Variants in FOXI3 observed in about 807,000 individuals in gnomAD.
FOXI3 encodes forkhead box protein I3.
A neutral mutation model predicts 15.6 loss-of-function variants in FOXI3; 4 were observed. That is an observed-to-expected ratio of 0.26 (90% CI 0.13 to 0.59). FOXI3 has a LOEUF of 0.59. FOXI3 is among the 20% of genes least tolerant of loss of function. FOXI3 has a pLI of 0.90. For missense variants in FOXI3, 489 were observed against 548.2 expected (o/e 0.89, Z 1.08); for synonymous variants, 238 against 244.4 (o/e 0.97, Z 0.25).
At position 88,449,793 on chromosome 2, in the gene FOXI3, A is replaced by G. The variant is rs964963126; in HGVS notation, c.641-964T>C. ...CTTGTGGTAAGTGCTTTACACGGAT[A>G]ACCTCAGCTACTCCTCACAGCTTTA... On this transcript the variant is annotated intron_variant, in intron 1 of 1. Coordinates refer to ENST00000428390, the MANE Select transcript of FOXI3 (RefSeq NM_001135649.3). Among the ~76,000 whole-genome samples the G allele has an allele frequency of 1.3e-4, 20 of 152,250 alleles. No homozygotes were observed. The South Asian group carries it at 3.5e-3, about 27-fold the overall frequency.
rs190912380 is a variant in FOXI3, at chr2:88,448,973, G to A, written c.641-144C>T. The stretch of plus-strand genomic sequence containing the variant: ...CTAATATTCAAACCAATCCTCTTTC[G>A]GGGAAAATGTTACTCTTTGCTTCAG... On this transcript the variant is annotated intron_variant, in intron 1 of 1. Coordinates refer to ENST00000428390, the MANE Select transcript of FOXI3 (RefSeq NM_001135649.3). 1.4e-4 allele frequency: 145 copies of A among 1,072,638 alleles called. No homozygotes were observed. In the African/African-American group the frequency reaches 1.9e-3, roughly 14 times the overall value. 66.4% of individuals were successfully genotyped at this position (1,072,638 alleles called of 1,614,324 possible).
chr2:88,452,388 C>G lies in FOXI3; in HGVS notation c.148G>C (p.Ala50Pro), dbSNP rs550296238. 5.9e-3 allele frequency: 5,890 copies of G among 990,070 alleles called. 21 individuals are homozygous for G. The highest frequency in any genetic ancestry group is 7.5e-3 in the Admixed American group (121 of 16,084). 61.3% of individuals were successfully genotyped at this position (990,070 alleles called of 1,614,324 possible). The change falls in exon 1 of 2, where the codon GCC becomes CCC. Residue 50 changes from alanine (A) to proline (P), a missense_variant. Ala to Pro is a conservative substitution (Grantham distance 27). Transcript: ENST00000428390. The part of the protein sequence containing the change: ...ADYAAPPAAA[A>P]NPYLWLNGPG... ...CCGTTGAGCCACAGGTAGGGGTTGG[C>G]GGCGGCGGCCGGCGGCGCGGCGTAG... is the stretch of plus-strand genomic sequence containing the variant.
chr2:88,452,474 G>T lies in FOXI3; in HGVS notation c.62C>A (p.Ala21Asp). The T allele has an allele frequency of 9.3e-7, 1 of 1,074,874 alleles. No individual in the cohort carries two copies. The highest frequency in any genetic ancestry group is 1.7e-5 in the African/African-American group (1 of 58,882). 66.6% of individuals were successfully genotyped at this position (1,074,874 alleles called of 1,614,324 possible). Reference sequence around the variant, plus strand: ...GGCGCCCGGGGCGGCGGCGGTGGCGGCGGGCGGGGGCAGGCCGGGCTGCGA... The same window carrying T: ...GGCGCCCGGGGCGGCGGCGGTGGCGTCGGGCGGGGGCAGGCCGGGCTGCGA... ...VYSQPGLPPP[A>D]ATAAAPGAPP... Residue 21 changes from alanine (A) to aspartate (D), a missense_variant, in exon 1 of 2, where the codon GCC (alanine) becomes GAC (aspartate). Coordinates refer to ENST00000428390, the MANE Select transcript of FOXI3 (RefSeq NM_001135649.3).
Position 88,451,929 on chromosome 2 carries a change from A to C in FOXI3, c.607T>G (p.Phe203Val). The stretch of plus-strand genomic sequence containing the variant: ...TCCTCGTCGCGGGGCACCTTCTTGA[A>C]GCAGTCGTTGAGCGACAGGTTGTGG... ...IRHNLSLNDCFKKVPRDEDDP... is the reference protein window; with the variant it reads ...IRHNLSLNDCVKKVPRDEDDP... Residue 203 changes from phenylalanine (F) to valine (V), a missense_variant, in exon 1 of 2, where the codon TTC becomes GTC. Physicochemically the swap from Phe to Val is conservative, Grantham distance 50 (BLOSUM62 -1). Transcript: ENST00000428390. 1 of 1,613,828 alleles carries C rather than the reference A, an allele frequency of 6.2e-7. No individual in the cohort carries two copies. The highest frequency in any genetic ancestry group is 8.5e-7 in the Non-Finnish European group (1 of 1,179,884).
In FOXI3 at chr2:88,452,562, C is replaced by T. The variant is rs1303037449; in HGVS notation, c.-27G>A. ...TCGGCGGCCGTGGGCGGCTGCGGCG[C>T]GGCCGCGGCGAGGGGCGAGCGGGGC... On this transcript the variant is annotated 5_prime_UTR_variant, in exon 1 of 2. Coordinates refer to ENST00000428390, the MANE Select transcript of FOXI3 (RefSeq NM_001135649.3). The T allele has an allele frequency of 2.3e-5, 25 of 1,073,390 alleles. No homozygotes were observed. The highest frequency in any genetic ancestry group is 2.7e-5 in the Non-Finnish European group (24 of 886,678). 66.5% of individuals were successfully genotyped at this position (1,073,390 alleles called of 1,614,324 possible).
Position 88,448,745 on chromosome 2 carries a change from G to C in FOXI3, c.725C>G (p.Ser242Cys). The change falls in exon 2 of 2, where the codon TCT (serine) becomes TGT (cysteine). Residue 242 changes from serine to cysteine, a missense_variant. By Grantham distance (112) the Ser-to-Cys change is moderately radical. Transcript: ENST00000428390. ...GNFRRKRKRRSEASNGSTVAA... is the reference protein window; with the variant it reads ...GNFRRKRKRRCEASNGSTVAA... ...CACTGTGGAGCCATTGCTGGCCTCA[G>C]AGCGGCGCTTTCGCTTCCGACGGAA... 6.4e-7 allele frequency: 1 copy of C among 1,551,940 alleles called. No individual in the cohort carries two copies. Among genetic ancestry groups the C allele is most frequent in the Non-Finnish European group, 8.7e-7 (1 of 1,147,050 alleles).
chr2:88,450,862 T>C (rs1401819790), intron 1 of FOXI3, among the ~76,000 whole-genome samples: 1 of 152,202 alleles, frequency 6.6e-6, no homozygotes, highest in Non-Finnish European at 1.5e-5. Flanking sequence ...AGAATCTCAT[T>C]AGTAATTTTA....
At position 88,452,233 on chromosome 2, in the gene FOXI3, G is replaced by A; in HGVS notation, c.303C>T (p.Thr101=). The A allele has an allele frequency of 3.7e-6, 4 of 1,082,992 alleles. No homozygotes were observed. The highest frequency in any genetic ancestry group is 4.5e-6 in the Non-Finnish European group (4 of 895,634). The allele number at this position is 1,082,992 out of a possible 1,614,324, so 67.1% of individuals were successfully genotyped here. A position where few individuals can be genotyped will look rare whatever the true frequency, so the allele number is the denominator to read the frequency against. Residue 101 remains threonine (T), a synonymous_variant, in exon 1 of 2, where the codon ACC becomes ACT. Transcript: ENST00000428390. ...CGAAGGGCCGCTGAGAGCAGCCGAA[G>A]GTGCCGGCGGCAGGCGGTGGCTGCA... is the stretch of plus-strand genomic sequence containing the variant. ...PFLQPPPAAG[T]FGCSQRPFAQ...
In FOXI3 at chr2:88,448,078, G is replaced by T. The variant is rs911158370; in HGVS notation, c.*129C>A. ...ACTCCAAGTGTGGTCAAAGGACCAC[G>T]AGATCACCCAGGAACTCGACAGAAA... On this transcript the variant is annotated 3_prime_UTR_variant, in exon 2 of 2. Coordinates refer to ENST00000428390, the MANE Select transcript of FOXI3 (RefSeq NM_001135649.3). The T allele has an allele frequency of 5.0e-6, 4 of 801,228 alleles. No individual in the cohort carries two copies. The highest frequency in any genetic ancestry group is 7.8e-6 in the Non-Finnish European group (4 of 513,960). The allele number at this position is 801,228 out of a possible 1,614,324, so 49.6% of individuals were successfully genotyped here. A position where few individuals can be genotyped will look rare whatever the true frequency, so the allele number is the denominator to read the frequency against.
rs1676070952 is a variant in FOXI3 at position 88,452,450 on chromosome 2, G to A, written c.86C>T (p.Ala29Val). Residue 29 changes from alanine to valine, a missense_variant, in exon 1 of 2, where the codon GCC (alanine) becomes GTC (valine). This residue lies in a region of FOXI3 where 224 missense variants were observed against 245.7 expected (regional missense o/e 0.91). Coordinates refer to ENST00000428390, the MANE Select transcript of FOXI3 (RefSeq NM_001135649.3). Reference protein sequence around the residue: ...PPAATAAAPGAPPAARAPYGL... With the variant: ...PPAATAAAPGVPPAARAPYGL... ...GTAAGGCGCCCTGGCTGCCGGGGGGGCGCCCGGGGCGGCGGCGGTGGCGGC... is the reference window on the plus strand; with the variant it reads ...GTAAGGCGCCCTGGCTGCCGGGGGGACGCCCGGGGCGGCGGCGGTGGCGGC... 1 of 1,051,588 alleles carries A rather than the reference G, an allele frequency of 9.5e-7. No homozygotes were observed. The highest frequency in any genetic ancestry group is 1.1e-6 in the Non-Finnish European group (1 of 874,458). 65.1% of individuals were successfully genotyped at this position (1,051,588 alleles called of 1,614,324 possible).
chr2:88,448,189 C>A lies in FOXI3; in HGVS notation c.*18G>T. The stretch of plus-strand genomic sequence containing the variant: ...TGTGCACGCCTCAGGTGTGCATACT[C>A]AAGTCTGAGAGTCTGCTCTACACCT... On this transcript the variant is annotated 3_prime_UTR_variant, in exon 2 of 2. Coordinates refer to ENST00000428390, the MANE Select transcript of FOXI3 (RefSeq NM_001135649.3). 1 of 1,548,296 alleles carries A rather than the reference C, an allele frequency of 6.5e-7. No homozygotes were observed.
intron 1 of FOXI3, among the ~76,000 whole-genome samples, chr2:88,451,518 A>T (rs896515079): frequency 1.3e-5 from 2 of 152,204 alleles, no homozygotes; most frequent in Non-Finnish European, 2.9e-5. Context: ...ATCCCAGCTC[A>T]CACGGATCCC....
rs751978127 is a variant in FOXI3, at chr2:88,447,139, A to T, written c.*1068T>A. ...ATGGAAAATGGGGGGTAGTAACAATACCCACCACCCAAGGTTTCTGAGAGG... is the reference window on the plus strand; with the variant it reads ...ATGGAAAATGGGGGGTAGTAACAATTCCCACCACCCAAGGTTTCTGAGAGG... On this transcript the variant is annotated 3_prime_UTR_variant, in exon 2 of 2. Coordinates refer to ENST00000428390, the MANE Select transcript of FOXI3 (RefSeq NM_001135649.3). 8 of 152,236 alleles carry T rather than the reference A, an allele frequency of 5.3e-5. No homozygotes were observed. The highest frequency in any genetic ancestry group is 7.3e-5 in the Non-Finnish European group (5 of 68,050). 9.4% of individuals were successfully genotyped at this position (152,236 alleles called of 1,614,324 possible).
In FOXI3 at chr2:88,448,420, G is replaced by A. The variant is rs770492023; in HGVS notation, c.1050C>T (p.Ser350=). Residue 350 remains serine, a synonymous_variant, in exon 2 of 2, where the codon AGC becomes AGT. Coordinates refer to ENST00000428390, the MANE Select transcript of FOXI3 (RefSeq NM_001135649.3). Reference sequence around the variant, plus strand: ...AGATGGAGGTCGGGGAGAACACGCCGCTGGAGGGCAGCTGGGCCCCCTGGA... The same window carrying A: ...AGATGGAGGTCGGGGAGAACACGCCACTGGAGGGCAGCTGGGCCCCCTGGA... ...LGIQGAQLPS[S]GVFSPTSISE... 3.4e-5 allele frequency: 53 copies of A among 1,551,566 alleles called. 1 individual carries two copies. The highest frequency in any genetic ancestry group is 1.7e-4 in the Middle Eastern group (1 of 6,012).
chr2:88,449,517 G>T (rs1269303625), intron 1 of FOXI3, among the ~76,000 whole-genome samples: 1 of 152,206 alleles, frequency 6.6e-6, no homozygotes, highest in Non-Finnish European at 1.5e-5. Context: ...GTATGAGGAA[G>T]CTCCTGGAAT....
rs755903602 is a variant in FOXI3, at chr2:88,452,191, G to T, written c.345C>A (p.Ala115=). The change falls in exon 1 of 2, where the codon GCC becomes GCA. Residue 115 remains alanine, a synonymous_variant. Coordinates refer to ENST00000428390, the MANE Select transcript of FOXI3 (RefSeq NM_001135649.3). The stretch of plus-strand genomic sequence containing the variant: ...CGGGCGCGGCGGGCGAGGCGGGCGC[G>T]GCGGGCGCGGGCTGCGCGAAGGGCC... The part of the protein sequence containing the change: ...SQRPFAQPAP[A]APASPAAPAG... The T allele has an allele frequency of 3.3e-6, 4 of 1,216,492 alleles. No individual in the cohort carries two copies. The highest frequency in any genetic ancestry group is 7.8e-5 in the South Asian group (2 of 25,486). 75.4% of individuals were successfully genotyped at this position (1,216,492 alleles called of 1,614,324 possible).
At chr2:88,449,932 C>G (rs1051741252) in intron 1 of FOXI3, among the ~76,000 whole-genome samples, 1 of 152,070 alleles carries the variant, frequency 6.6e-6, no homozygotes, top group African/African-American at 2.4e-5. Flanking sequence ...TGTAAACAGG[C>G]TGGCTCCAGA....
At position 88,448,654 on chromosome 2, in the gene FOXI3, C is replaced by T. The variant is rs747983117; in HGVS notation, c.816G>A (p.Lys272=). The part of the protein sequence containing the change: ...SSGLGSGVGG[K]PEEESPSTLL... Reference sequence around the variant, plus strand: ...GAGTGGAGGGGCTCTCTTCTTCTGGCTTCCCACCCACTCCAGACCCCAATC... The same window carrying T: ...GAGTGGAGGGGCTCTCTTCTTCTGGTTTCCCACCCACTCCAGACCCCAATC... The change falls in exon 2 of 2, where the codon AAG becomes AAA. Residue 272 remains lysine, a synonymous_variant. Coordinates refer to ENST00000428390, the MANE Select transcript of FOXI3 (RefSeq NM_001135649.3). 1.5e-5 allele frequency: 23 copies of T among 1,551,828 alleles called. No individual in the cohort carries two copies. Among genetic ancestry groups the T allele is most frequent in the East Asian group, 2.4e-5 (1 of 40,916 alleles).
chr2:88,448,863 A>T (rs1244427766), intron 1 of FOXI3, 34 bp from the exon 2 acceptor site: 23 of 1,526,920 alleles, frequency 1.5e-5, no homozygotes, highest in Non-Finnish European at 1.9e-5. Flanking sequence ...TTAGAGAAGG[A>T]CCTATTCAAT....
Sources: allele counts gnomAD v4.1 joint callset (sites outside exome capture counted in the v4.1 genomes callset), GRCh38; gene constraint gnomAD v4.1.1; regional missense constraint gnomAD v4.1.1; transcripts MANE v1.5; gene names NCBI Gene and HGNC (gene_info 2026-07-23, HGNC 2026-07-21).